Variants in SLC24A2 observed in about 807,000 individuals in gnomAD.
The protein encoded by SLC24A2 is solute carrier family 24 member 2.
Under a neutral mutation model 62.0 loss-of-function variants are expected in SLC24A2, and 36 were observed. The ratio of observed to expected loss-of-function variants is 0.58; its 90% CI spans 0.44 to 0.77. The LOEUF (loss-of-function observed/expected upper bound fraction) is 0.77, where lower values mean the gene tolerates loss of function less well. Among genes scored for constraint, SLC24A2 ranks in the 30% least tolerant of loss-of-function variants. The pLI, the probability that SLC24A2 is intolerant of heterozygous loss-of-function variation, is 0.00. For synonymous variants in SLC24A2, 358 were observed against 294.0 expected (o/e 1.22, Z -2.23); for missense variants, 846 against 817.9 (o/e 1.03, Z -0.42).
chr9:20,172,091 T>C, the SLC24A2 span, among the ~76,000 whole-genome samples: 3 of 152,042 alleles, frequency 2.0e-5, no homozygotes, highest in African/African-American at 7.2e-5. Context: ...ACATGGAAAT[T>C]AAATAATCTG....
chr9:19,597,885 G>A (rs559537696), intron 4 of SLC24A2, among the ~76,000 whole-genome samples: 1 of 152,200 alleles, frequency 6.6e-6, no homozygotes. Flanking sequence ...AAGACCACCA[G>A]CTCAGATAAG....
At chr9:19,685,099 A>G (rs1819841875) in intron 2 of SLC24A2, among the ~76,000 whole-genome samples, 1 of 152,112 alleles carries the variant, frequency 6.6e-6, no homozygotes, top group Admixed American at 6.6e-5. Flanking sequence ...AATCACCAGC[A>G]TTTCTAAACA....
chr9:19,522,240 C>T (rs1009990412), intron 9 of SLC24A2, among the ~76,000 whole-genome samples: 1 of 152,122 alleles, frequency 6.6e-6, no homozygotes, highest in Non-Finnish European at 1.5e-5. Flanking sequence ...CCTCGAGATC[C>T]TCCTGCCTTG....
the SLC24A2 span, among the ~76,000 whole-genome samples, chr9:20,025,290 C>T: frequency 6.6e-6 from 1 of 152,038 alleles, no homozygotes; most frequent in Non-Finnish European, 1.5e-5. Flanking sequence ...TATCTCAGCT[C>T]CTAACACTTG....
At chr9:20,272,048 G>A in the SLC24A2 span, among the ~76,000 whole-genome samples, 2 of 152,078 alleles carry the variant, frequency 1.3e-5, no homozygotes, top group Non-Finnish European at 2.9e-5. Context: ...TGTGGTTTAG[G>A]GTCAGGAAGG....
the SLC24A2 span, among the ~76,000 whole-genome samples, chr9:20,090,259 C>T: frequency 2.6e-5 from 4 of 152,128 alleles, no homozygotes; most frequent in Admixed American, 6.5e-5. Flanking sequence ...TGGGGTGGAG[C>T]CCCCAGGAGA....
At chr9:20,097,626 T>G in the SLC24A2 span, among the ~76,000 whole-genome samples, 1 of 151,886 alleles carries the variant, frequency 6.6e-6, no homozygotes, top group Non-Finnish European at 1.5e-5. Context: ...GGGTATCTGA[T>G]TCTCCCTTTA....
At chr9:20,254,149 C>G in the SLC24A2 span, among the ~76,000 whole-genome samples, 2 of 152,172 alleles carry the variant, frequency 1.3e-5, no homozygotes, top group Non-Finnish European at 2.9e-5. Flanking sequence ...GTAATTACTA[C>G]AACATTCTCA....
At chr9:19,637,417 T>C (rs1261560427) in intron 2 of SLC24A2, among the ~76,000 whole-genome samples, 1 of 152,216 alleles carries the variant, frequency 6.6e-6, no homozygotes, top group Non-Finnish European at 1.5e-5. Flanking sequence ...ACTGTGTTTG[T>C]TCTAACTATT....
the SLC24A2 span, among the ~76,000 whole-genome samples, chr9:20,098,953 A>G: frequency 6.6e-6 from 1 of 152,240 alleles, no homozygotes; most frequent in Non-Finnish European, 1.5e-5. Flanking sequence ...GATTTAGGAT[A>G]TACACAACTT....
chr9:20,163,903 T>A, the SLC24A2 span, among the ~76,000 whole-genome samples: 2 of 152,130 alleles, frequency 1.3e-5, no homozygotes, highest in Non-Finnish European at 1.5e-5. Flanking sequence ...ATTTAATAAA[T>A]GGTGCTGGGA....
intron 2 of SLC24A2, among the ~76,000 whole-genome samples, chr9:19,677,396 C>T (rs1051976054): frequency 1.3e-5 from 2 of 152,122 alleles, no homozygotes; most frequent in East Asian, 3.8e-4. Context: ...CACATGGACA[C>T]AGGGAGGGGA....
intron 2 of SLC24A2, among the ~76,000 whole-genome samples, chr9:19,715,935 C>G (rs1339738702): frequency 6.6e-6 from 1 of 152,182 alleles, no homozygotes; most frequent in Non-Finnish European, 1.5e-5. Flanking sequence ...GAAAAGTTTT[C>G]TCTCTTTTCA....
At chr9:19,994,795 T>C in the SLC24A2 span, among the ~76,000 whole-genome samples, 2 of 152,198 alleles carry the variant, frequency 1.3e-5, no homozygotes, top group Non-Finnish European at 2.9e-5. Flanking sequence ...CTTCCTTTAG[T>C]CTGCCCTAGA....
the SLC24A2 span, among the ~76,000 whole-genome samples, chr9:20,264,812 T>TA: frequency 2.6e-4 from 39 of 152,302 alleles, no homozygotes; most frequent in Non-Finnish European, 4.3e-4. Context: ...TTAATCCCTG[T>TA]AAAAAACAAC....
At chr9:19,725,668 T>C (rs1055127452) in intron 2 of SLC24A2, among the ~76,000 whole-genome samples, 47 of 152,294 alleles carry the variant, frequency 3.1e-4, no homozygotes, top group African/African-American at 1.1e-3. Flanking sequence ...TGAATAAAGA[T>C]TGCAGCATTA....
chr9:19,679,357 T>C (rs756449883), intron 2 of SLC24A2, among the ~76,000 whole-genome samples: 1 of 152,186 alleles, frequency 6.6e-6, no homozygotes, highest in Admixed American at 6.6e-5. Flanking sequence ...TTAGAGGTTG[T>C]TGGAGGCCTG....
chr9:19,803,101 T>A, the SLC24A2 span, among the ~76,000 whole-genome samples: 6 of 152,208 alleles, frequency 3.9e-5, no homozygotes, highest in Non-Finnish European at 7.3e-5. Flanking sequence ...AAATTTCTAT[T>A]CTTTATAAGC....
At chr9:19,598,603 G>T (rs1836766266) in intron 4 of SLC24A2, among the ~76,000 whole-genome samples, 1 of 151,822 alleles carries the variant, frequency 6.6e-6, no homozygotes, top group African/African-American at 2.4e-5. Flanking sequence ...ATTGAATTTT[G>T]TATAAATAGA....
Sources: allele counts gnomAD v4.1 joint callset (sites outside exome capture counted in the v4.1 genomes callset), GRCh38; gene constraint gnomAD v4.1.1; transcripts MANE v1.5; gene names NCBI Gene and HGNC (gene_info 2026-07-23, HGNC 2026-07-21).